The following ALCAM variants were observed in gnomAD, a reference collection of about 807,000 sequenced individuals.
ALCAM encodes the protein CD166 antigen.
Under a neutral mutation model 70.9 loss-of-function variants are expected in ALCAM, and 30 were observed. The ratio of observed to expected loss-of-function variants is 0.42; its 90% CI spans 0.32 to 0.57. The LOEUF (loss-of-function observed/expected upper bound fraction) is 0.57. Ranked by LOEUF, ALCAM falls within the 20% of genes least tolerant of loss-of-function variation. The pLI is 0.11. For missense variants in ALCAM, 591 were observed against 695.1 expected, an observed-to-expected ratio of 0.85 and a Z score of 1.68; for synonymous variants, 249 against 242.5, an observed-to-expected ratio of 1.03 and a Z score of -0.25.
At chr3:105,407,596 A>G (rs1269870540) in intron 1 of ALCAM, among the ~76,000 whole-genome samples, 1 of 152,200 alleles carries the variant, frequency 6.6e-6, no homozygotes, top group East Asian at 1.9e-4. Flanking sequence ...CATCTATGAC[A>G]AACCCACAGC....
intron 1 of ALCAM, among the ~76,000 whole-genome samples, chr3:105,439,132 GTAATGAGTTAGAGAGTTAGGAT>G (rs1361834127): frequency 1.3e-5 from 2 of 152,088 alleles, no homozygotes; most frequent in Non-Finnish European, 2.9e-5. Context: ...AGTAGCTAGG[GTAATGAGTTAGAGAGTTAGGAT>G]TAATGATACA....
rs555021787 is a variant in ALCAM at position 105,576,623 on chromosome 3, A to G, written c.*2172A>G. On this transcript the variant is annotated 3_prime_UTR_variant, in exon 16 of 16. Coordinates refer to ENST00000306107, the MANE Select transcript of ALCAM (RefSeq NM_001627.4). ...CGAAAGCAGAAAGTTTGCCGGGAAA[A>G]AAAAAGACAACATTATTACCATCGA... 5 of 152,614 alleles carry G rather than the reference A, an allele frequency of 3.3e-5. No homozygotes were observed. The East Asian group carries it at 9.6e-4, about 29-fold the overall frequency. The allele number at this position is 152,614 out of a possible 1,614,324, so 9.5% of individuals were successfully genotyped here.
chr3:105,532,938 A>G (rs66875175), intron 4 of ALCAM, among the ~76,000 whole-genome samples: 46,779 of 152,048 alleles, frequency 0.31, 7,929 homozygotes, highest in East Asian at 0.54. Context: ...ATTAGCAGAT[A>G]TGTGAAGGGA....
intron 1 of ALCAM, among the ~76,000 whole-genome samples, chr3:105,369,616 T>C (rs977807304): frequency 2.1e-4 from 32 of 152,236 alleles, no homozygotes; most frequent in Admixed American, 6.5e-4. Context: ...GCCCTCTGCA[T>C]AGCAGAGCCC....
At position 105,528,254 on chromosome 3, in the gene ALCAM, A is replaced by G. The variant is rs149367144; in HGVS notation, c.394+3746A>G. On this transcript the variant is annotated intron_variant, in intron 3 of 15. Transcript: ENST00000306107. The stretch of plus-strand genomic sequence containing the variant: ...CTTGCTGTGAGCTGGCTACATGCCA[A>G]AAAATATACATTTTAGTAGGTTGCT... Among the ~76,000 whole-genome samples the G allele has an allele frequency of 4.7e-3, 711 of 152,274 alleles. 5 individuals are homozygous for G. Among genetic ancestry groups the G allele is most frequent in the Non-Finnish European group, 6.5e-3 (441 of 68,018 alleles).
chr3:105,432,038 C>G (rs2107438835), intron 1 of ALCAM, among the ~76,000 whole-genome samples: 1 of 152,108 alleles, frequency 6.6e-6, no homozygotes, highest in African/African-American at 2.4e-5. Flanking sequence ...ATAAGCTAAG[C>G]CTATAAATCT....
intron 1 of ALCAM, among the ~76,000 whole-genome samples, chr3:105,492,253 A>G (rs1364713987): frequency 6.6e-6 from 1 of 152,148 alleles, no homozygotes; most frequent in African/African-American, 2.4e-5. Flanking sequence ...CCATGATTCA[A>G]TTACTTCCCA....
chr3:105,454,963 A>C (rs570876049), intron 1 of ALCAM, among the ~76,000 whole-genome samples: 97 of 151,816 alleles, frequency 6.4e-4, no homozygotes, highest in South Asian at 2.7e-3. Context: ...TACAGGCGTG[A>C]GCCACTGCAC....
intron 1 of ALCAM, among the ~76,000 whole-genome samples, chr3:105,388,254 G>A (rs1935709570): frequency 6.6e-6 from 1 of 151,474 alleles, no homozygotes; most frequent in African/African-American, 2.4e-5. Flanking sequence ...TGTAAAGAAG[G>A]GAAAAGACCT....
At position 105,510,177 on chromosome 3, in the gene ALCAM, G is replaced by A. The variant is rs143929495; in HGVS notation, c.74-9890G>A. ...GGTCGGTGTGGAGAATAAGCATACC[G>A]CAGAGTAAAGATGGTCCCAAGTGAA... On this transcript the variant is annotated intron_variant, in intron 1 of 15. Coordinates refer to ENST00000306107, the MANE Select transcript of ALCAM (RefSeq NM_001627.4). Among the ~76,000 whole-genome samples the A allele has an allele frequency of 4.9e-3, 749 of 152,128 alleles. 8 individuals carry two copies. The highest frequency in any genetic ancestry group is 0.017 in the African/African-American group (719 of 41,522).
At chr3:105,447,578 C>A (rs1274063408) in intron 1 of ALCAM, among the ~76,000 whole-genome samples, 1 of 152,128 alleles carries the variant, frequency 6.6e-6, no homozygotes, top group African/African-American at 2.4e-5. Flanking sequence ...TGGTGGCATG[C>A]ATCTGGGGTG....
intron 1 of ALCAM, among the ~76,000 whole-genome samples, chr3:105,404,988 A>G (rs1936185943): frequency 6.6e-6 from 1 of 152,064 alleles, no homozygotes; most frequent in South Asian, 2.1e-4. Context: ...TAAAAAAGAC[A>G]AAGAGGGGGC....
intron 6 of ALCAM, among the ~76,000 whole-genome samples, chr3:105,537,591 T>TGTAGAGTA (rs1940004176): frequency 6.6e-6 from 1 of 152,128 alleles, no homozygotes; most frequent in Non-Finnish European, 1.5e-5. Context: ...AGAGTAATAC[T>TGTAGAGTA]TACATGCCTA....
intron 1 of ALCAM, among the ~76,000 whole-genome samples, chr3:105,449,100 T>C (rs1937363176): frequency 6.6e-6 from 1 of 152,234 alleles, no homozygotes; most frequent in African/African-American, 2.4e-5. Flanking sequence ...TTCTACATGG[T>C]AAAAGGCATG....
At chr3:105,529,846 T>TA (rs1939795540) in intron 3 of ALCAM, among the ~76,000 whole-genome samples, 1 of 152,098 alleles carries the variant, frequency 6.6e-6, no homozygotes, top group Non-Finnish European at 1.5e-5. Flanking sequence ...CAAAGCAAAG[T>TA]AAAGTTATAC....
At chr3:105,524,758 C>A in intron 3 of ALCAM, 1 of 1,236,286 alleles carries the variant, frequency 8.1e-7, no homozygotes, top group South Asian at 2.4e-5. Context: ...GTAAAAATGT[C>A]GTGAGCTATG....
chr3:105,551,541 T>C (rs1048664781), intron 12 of ALCAM, among the ~76,000 whole-genome samples: 2 of 151,698 alleles, frequency 1.3e-5, no homozygotes, highest in African/African-American at 4.8e-5. Context: ...TTATAGAGTT[T>C]AATATTAGAT....
intron 1 of ALCAM, among the ~76,000 whole-genome samples, chr3:105,433,560 A>C (rs1453797882): frequency 6.6e-6 from 1 of 152,012 alleles, no homozygotes; most frequent in African/African-American, 2.4e-5. Context: ...TGGATATCTG[A>C]TGAACTAGTC....
At chr3:105,473,395 TA>T (rs1937991227) in intron 1 of ALCAM, among the ~76,000 whole-genome samples, 1 of 151,566 alleles carries the variant, frequency 6.6e-6, no homozygotes, top group South Asian at 2.1e-4. Flanking sequence ...AGCATGATCT[TA>T]CTTCCTCCTT....
Sources: allele counts gnomAD v4.1 joint callset (sites outside exome capture counted in the v4.1 genomes callset), GRCh38; gene constraint gnomAD v4.1.1; transcripts MANE v1.5; gene names NCBI Gene and HGNC (gene_info 2026-07-23, HGNC 2026-07-21).